Variants in DHX15 observed in about 807,000 individuals in gnomAD.
DHX15 encodes the protein DEAH-box helicase 15, also known as ATP-dependent RNA helicase DHX15.
In DHX15, 11 loss-of-function variants were observed where a neutral mutation model predicts 94.4. The observed-to-expected ratio is 0.12, with a 90% CI of 0.07 to 0.19. The LOEUF is 0.19. Among genes scored for constraint, DHX15 ranks in the 10% least tolerant of loss-of-function variants. The pLI, the probability that DHX15 is intolerant of heterozygous loss-of-function variation, is 1.00. For synonymous variants in DHX15, 338 were observed against 329.9 expected (o/e 1.02, Z -0.27); for missense variants, 304 against 988.5 (o/e 0.31, Z 9.29).
At chr4:24,539,920 CTTACT>C in intron 10 of DHX15, 183 bp downstream of exon 10, 1 of 412,508 alleles carries the variant, frequency 2.4e-6, no homozygotes, top group Admixed American at 4.3e-5. Context: ...TGCACAATGA[CTTACT>C]TTACTTTTGT....
In DHX15 at chr4:24,528,023, A is replaced by G. The variant is rs768597868; in HGVS notation, c.2289T>C (p.Pro763=). ...GGAAATTGCTCATGTCATAATATTG[A>G]GGGGCAATTTTCACCAACCTGTTTA... is the stretch of plus-strand genomic sequence containing the variant. The part of the protein sequence containing the change: ...IKPEWLVKIA[P]QYYDMSNFPQ... Residue 763 remains proline (P), a synonymous_variant, in exon 14 of 14, where the codon CCT becomes CCC. Transcript: ENST00000336812. 5 of 1,613,742 alleles carry G rather than the reference A, an allele frequency of 3.1e-6. No individual in the cohort carries two copies. Among genetic ancestry groups the G allele is most frequent in the Non-Finnish European group, 4.2e-6 (5 of 1,179,834 alleles).
At chr4:24,541,079 A>T in intron 8 of DHX15, 131 bp from the exon 9 acceptor site, 1 of 535,666 alleles carries the variant, frequency 1.9e-6, no homozygotes, top group Non-Finnish European at 3.4e-6. Flanking sequence ...AGTAGAGATA[A>T]ATACTTGTAG....
At chr4:24,560,606 A>G (rs956426877) in intron 3 of DHX15, among the ~76,000 whole-genome samples, 3 of 152,166 alleles carry the variant, frequency 2.0e-5, no homozygotes, top group African/African-American at 4.8e-5. Context: ...CTACAAATCT[A>G]TAAGAAAAAG....
chr4:24,536,549 T>C (rs769418307), intron 11 of DHX15, among the ~76,000 whole-genome samples: 24 of 152,148 alleles, frequency 1.6e-4, no homozygotes, highest in Admixed American at 4.6e-4. Flanking sequence ...AAAATAATAA[T>C]GCACTTCTTG....
Position 24,556,781 on chromosome 4 carries a change from AT to A in DHX15, c.702-372del, listed in dbSNP as rs201648608. 9.4e-3 allele frequency among the ~76,000 whole-genome samples: 1,430 copies of A among 152,320 alleles called. 9 individuals are homozygous for A. Among genetic ancestry groups the A allele is most frequent in the Middle Eastern group, 0.027 (8 of 294 alleles). ...ACAAATATTCAACACGCAAAATCTA[AT>A]AAACCATTTTAAGTTGCTTCATGTC... On this transcript the variant is annotated intron_variant, in intron 3 of 13. Transcript: ENST00000336812.
intron 6 of DHX15, among the ~76,000 whole-genome samples, chr4:24,544,443 G>T (rs1721381282): frequency 1.3e-5 from 2 of 152,150 alleles, no homozygotes; most frequent in South Asian, 4.1e-4. Context: ...CAGTTGAAAA[G>T]ACTGACAACT....
At chr4:24,561,321 C>T (rs1267609582) in intron 3 of DHX15, among the ~76,000 whole-genome samples, 1 of 152,100 alleles carries the variant, frequency 6.6e-6, no homozygotes, top group Non-Finnish European at 1.5e-5. Flanking sequence ...CAAAAAATAA[C>T]AAGGTTGTAG....
At chr4:24,582,045 T>C (rs899219924) in intron 1 of DHX15, among the ~76,000 whole-genome samples, 1 of 152,004 alleles carries the variant, frequency 6.6e-6, no homozygotes, top group Non-Finnish European at 1.5e-5. Flanking sequence ...GCTTATGCTC[T>C]CCAATAAAAC....
At chr4:24,557,979 CAAAA>C (rs58623833) in intron 3 of DHX15, among the ~76,000 whole-genome samples, 6 of 127,540 alleles carry the variant, frequency 4.7e-5, no homozygotes, top group Non-Finnish European at 3.3e-5. Flanking sequence ...ATTTGCAAGG[CAAAA>C]AAAAAAAAAA....
chr4:24,535,988 G>A (rs1721189216), intron 11 of DHX15, among the ~76,000 whole-genome samples: 1 of 152,068 alleles, frequency 6.6e-6, no homozygotes, highest in Non-Finnish European at 1.5e-5. Flanking sequence ...GGCACAGGGT[G>A]ATGATGTAGG....
chr4:24,570,640 G>A lies in DHX15; in HGVS notation c.701+14C>T. 8 of 1,612,294 alleles carry A rather than the reference G, an allele frequency of 5.0e-6. No homozygotes were observed. Among genetic ancestry groups the A allele is most frequent in the Non-Finnish European group, 6.8e-6 (8 of 1,178,430 alleles). On this transcript the variant is annotated intron_variant, in intron 3 of 13. Transcript: ENST00000336812. Reference sequence around the variant, plus strand: ...GCAGAGGACTAAAAGCGTCATTAAAGATATAGTACTTACTTAAGAATGGTT... The same window carrying A: ...GCAGAGGACTAAAAGCGTCATTAAAAATATAGTACTTACTTAAGAATGGTT...
At chr4:24,552,618 A>T (rs535133612) in intron 5 of DHX15, among the ~76,000 whole-genome samples, 2 of 152,318 alleles carry the variant, frequency 1.3e-5, no homozygotes, top group South Asian at 4.1e-4. Context: ...AAAAATAATG[A>T]AGGTTCACAA....
At chr4:24,582,566 A>G (rs1722439652) in intron 1 of DHX15, among the ~76,000 whole-genome samples, 1 of 152,222 alleles carries the variant, frequency 6.6e-6, no homozygotes, top group South Asian at 2.1e-4. Context: ...TTTGCCTTAG[A>G]GAAATCAAGA....
chr4:24,582,634 G>T (rs554110000), intron 1 of DHX15, among the ~76,000 whole-genome samples: 2 of 152,204 alleles, frequency 1.3e-5, no homozygotes, highest in African/African-American at 2.4e-5. Flanking sequence ...AGGCTGTAAT[G>T]ACTCTTAACT....
intron 3 of DHX15, among the ~76,000 whole-genome samples, chr4:24,561,460 T>C (rs1480589689): frequency 6.6e-6 from 1 of 152,192 alleles, no homozygotes; most frequent in Non-Finnish European, 1.5e-5. Context: ...TTATTGGGTA[T>C]ACAGAATATA....
At position 24,576,604 on chromosome 4, in the gene DHX15, C is replaced by T. The variant is rs372384051; in HGVS notation, c.146G>A (p.Arg49Lys). 40 of 1,613,908 alleles carry T rather than the reference C, an allele frequency of 2.5e-5. No homozygotes were observed. Among genetic ancestry groups the T allele is most frequent in the Non-Finnish European group, 3.2e-5 (38 of 1,179,916 alleles). ...CTTTTCTTTCTCCCTCTCTCGCTCT[C>T]TATCTCCTCTATCACGTTCTCGGTC... Reference protein sequence around the residue: ...DRDRERDRGDREREREKEKEK... With the variant: ...DRDRERDRGDKEREREKEKEK... The change falls in exon 2 of 14, where the codon AGA becomes AAA. Residue 49 changes from arginine to lysine, a missense_variant. Coordinates refer to ENST00000336812, the MANE Select transcript of DHX15 (RefSeq NM_001358.3).
intron 6 of DHX15, among the ~76,000 whole-genome samples, chr4:24,548,223 A>G (rs987418007): frequency 6.7e-6 from 1 of 148,682 alleles, no homozygotes; most frequent in African/African-American, 2.5e-5. Flanking sequence ...GCTCACTGCA[A>G]CCTCCGCCTC....
chr4:24,579,286 T>G (rs1159815049), intron 1 of DHX15, among the ~76,000 whole-genome samples: 1 of 152,206 alleles, frequency 6.6e-6, no homozygotes, highest in Non-Finnish European at 1.5e-5. Flanking sequence ...AAATGTTGCT[T>G]ATGGCTCAAA....
chr4:24,565,407 C>A (rs1392677244), intron 3 of DHX15, among the ~76,000 whole-genome samples: 1 of 152,212 alleles, frequency 6.6e-6, no homozygotes, highest in Admixed American at 6.5e-5. Context: ...ATTCCCACCT[C>A]TTTTTAAGAG....
Sources: gnomAD v4.1 joint callset for allele counts (sites outside exome capture counted in the v4.1 genomes callset) on GRCh38, gnomAD v4.1.1 for gene constraint, MANE v1.5 for transcripts, NCBI Gene and HGNC (gene_info 2026-07-23, HGNC 2026-07-21) for gene names.